The following IGSF11 variants were observed in gnomAD, a reference collection of about 807,000 sequenced individuals.
IGSF11 encodes CXADR like 1.
A neutral mutation model predicts 41.0 loss-of-function variants in IGSF11; 22 were observed. The observed-to-expected ratio is 0.54, with a 90% CI of 0.38 to 0.77. The LOEUF is 0.77. Among genes scored for constraint, IGSF11 ranks in the 30% least tolerant of loss-of-function variants. IGSF11 has a pLI of 0.00. For synonymous variants in IGSF11, 219 were observed against 201.3 expected, an observed-to-expected ratio of 1.09 and a Z score of -0.74; for missense variants, 444 against 530.8, an observed-to-expected ratio of 0.84 and a Z score of 1.61.
chr3:118,983,899 C>G (rs1934991127), intron 1 of IGSF11, among the ~76,000 whole-genome samples: 1 of 152,112 alleles, frequency 6.6e-6, no homozygotes, highest in Admixed American at 6.5e-5. Context: ...AGTTGAGAGG[C>G]AGAAACTTAA....
intron 1 of IGSF11, among the ~76,000 whole-genome samples, chr3:119,097,209 T>C (rs2076867286): frequency 6.6e-6 from 1 of 152,146 alleles, no homozygotes; most frequent in Non-Finnish European, 1.5e-5. Context: ...TCTGCCATAA[T>C]ACGTTTCTCA....
At chr3:119,015,385 C>G (rs954255723) in intron 1 of IGSF11, among the ~76,000 whole-genome samples, 9 of 152,182 alleles carry the variant, frequency 5.9e-5, no homozygotes, top group African/African-American at 2.2e-4. Flanking sequence ...CCCTCCAACC[C>G]ACTACAACCC....
At chr3:118,917,748 C>T (rs1365231542) in intron 4 of IGSF11, among the ~76,000 whole-genome samples, 1 of 150,224 alleles carries the variant, frequency 6.7e-6, no homozygotes, top group Non-Finnish European at 1.5e-5. Context: ...TCCTCCCTAA[C>T]TCATTTTATG....
chr3:118,924,446 T>C (rs1942110525), intron 4 of IGSF11, among the ~76,000 whole-genome samples: 1 of 152,162 alleles, frequency 6.6e-6, no homozygotes, highest in Non-Finnish European at 1.5e-5. Context: ...AATATGGGTA[T>C]CAAGAGATAA....
chr3:119,100,944 A>AT, intron 1 of IGSF11, among the ~76,000 whole-genome samples: 1 of 152,290 alleles, frequency 6.6e-6, no homozygotes, highest in Non-Finnish European at 1.5e-5. Context: ...GGACAGATCC[A>AT]TGGGGAATCA....
chr3:119,081,228 A>G (rs994200195), intron 1 of IGSF11, among the ~76,000 whole-genome samples: 2 of 150,588 alleles, frequency 1.3e-5, no homozygotes, highest in African/African-American at 4.9e-5. Flanking sequence ...GCTCATTTTT[A>G]TTCTCCTATT....
chr3:119,049,046 G>C (rs1314263201), intron 1 of IGSF11, among the ~76,000 whole-genome samples: 3 of 150,846 alleles, frequency 2.0e-5, no homozygotes, highest in Non-Finnish European at 4.5e-5. Context: ...ATATCATACT[G>C]AATGGGCAAA....
At chr3:119,121,105 T>C (rs1465597838) in intron 1 of IGSF11, among the ~76,000 whole-genome samples, 1 of 151,078 alleles carries the variant, frequency 6.6e-6, no homozygotes, top group African/African-American at 2.4e-5. Flanking sequence ...GATATCAGAG[T>C]TGTTAAAATA....
chr3:119,106,499 C>T (rs2077027486), upstream of IGSF11, among the ~76,000 whole-genome samples: 1 of 152,152 alleles, frequency 6.6e-6, no homozygotes, highest in Non-Finnish European at 1.5e-5. Flanking sequence ...ACATAATGAC[C>T]TACAGTTCCA....
At chr3:119,049,053 C>G (rs925560904) in intron 1 of IGSF11, among the ~76,000 whole-genome samples, 1 of 149,226 alleles carries the variant, frequency 6.7e-6, no homozygotes, top group African/African-American at 2.5e-5. Context: ...ACTGAATGGG[C>G]AAAAACTGGA....
At position 118,934,756 on chromosome 3, in the gene IGSF11, C is replaced by G. The variant is rs117747687; in HGVS notation, c.53-4481G>C. ...ATGGCTCGAACAGGGCCAAGCTGGGCAAGCCAGACATTTAGAGACCTTCAA... is the reference window on the plus strand; with the variant it reads ...ATGGCTCGAACAGGGCCAAGCTGGGGAAGCCAGACATTTAGAGACCTTCAA... On this transcript the variant is annotated intron_variant, in intron 1 of 6. Coordinates refer to ENST00000393775, the MANE Select transcript of IGSF11 (RefSeq NM_001015887.3). Among the ~76,000 whole-genome samples the G allele has an allele frequency of 1.1e-3, 164 of 152,256 alleles. 2 individuals carry two copies. In the East Asian group the frequency reaches 0.026, roughly 25 times the overall value.
In IGSF11 at chr3:118,954,792, T is replaced by C. The variant is rs572544145; in HGVS notation, c.53-24517A>G. On this transcript the variant is annotated intron_variant, in intron 1 of 6. Transcript: ENST00000393775. ...ATAGTTGAAGTTATTCCTTGATTGATAGACCACAGAATGAATAAATGTGGG... is the reference window on the plus strand; with the variant it reads ...ATAGTTGAAGTTATTCCTTGATTGACAGACCACAGAATGAATAAATGTGGG... 5.9e-5 allele frequency among the ~76,000 whole-genome samples: 9 copies of C among 152,208 alleles called. No homozygotes were observed. The South Asian group carries it at 6.2e-4, about 11-fold the overall frequency.
At chr3:119,098,516 A>C (rs1374429354) in intron 1 of IGSF11, among the ~76,000 whole-genome samples, 1 of 152,244 alleles carries the variant, frequency 6.6e-6, no homozygotes, top group Non-Finnish European at 1.5e-5. Flanking sequence ...CCTCAAGAAC[A>C]GCATAGTGCC....
At chr3:119,111,552 T>C (rs1023876213) in intron 1 of IGSF11, among the ~76,000 whole-genome samples, 3 of 152,004 alleles carry the variant, frequency 2.0e-5, no homozygotes, top group Admixed American at 6.5e-5. Flanking sequence ...TCCTGTAGGT[T>C]GGAGTAGTTT....
At chr3:119,043,685 G>T (rs1382940048) in intron 1 of IGSF11, among the ~76,000 whole-genome samples, 2 of 152,302 alleles carry the variant, frequency 1.3e-5, no homozygotes, top group South Asian at 4.1e-4. Flanking sequence ...ACCAGAGCAG[G>T]TTCTGGTATC....
At chr3:118,922,026 A>G (rs1941851331) in intron 4 of IGSF11, among the ~76,000 whole-genome samples, 1 of 151,946 alleles carries the variant, frequency 6.6e-6, no homozygotes, top group South Asian at 2.1e-4. Context: ...AATAGAAGAC[A>G]GAAAAAAAAA....
rs952898167 is a variant in IGSF11, at chr3:118,902,106, T to C, written c.*414A>G. ...GAGACGGAACATATCACAGGGTTGC[T>C]TGTTATTTTCTTAAAGACACCTACC... On this transcript the variant is annotated 3_prime_UTR_variant, in exon 7 of 7. Coordinates refer to ENST00000393775, the MANE Select transcript of IGSF11 (RefSeq NM_001015887.3). The C allele has an allele frequency of 1.7e-5, 3 of 171,974 alleles. No homozygotes were observed. The highest frequency in any genetic ancestry group is 7.2e-5 in the African/African-American group (3 of 41,744). 10.7% of individuals were successfully genotyped at this position (171,974 alleles called of 1,614,324 possible).
chr3:119,094,683 T>TG (rs2076820925), intron 1 of IGSF11, among the ~76,000 whole-genome samples: 2 of 151,464 alleles, frequency 1.3e-5, no homozygotes, highest in Non-Finnish European at 3.0e-5. Context: ...TTTTTTTTTT[T>TG]TTTTTTAGAC....
At chr3:119,099,904 T>C (rs547435864) in intron 1 of IGSF11, among the ~76,000 whole-genome samples, 12 of 152,282 alleles carry the variant, frequency 7.9e-5, no homozygotes, top group South Asian at 6.2e-4. Flanking sequence ...GAACCCAATG[T>C]ACACTGTACT....
Sources: allele counts gnomAD v4.1 joint callset (sites outside exome capture counted in the v4.1 genomes callset), GRCh38; gene constraint gnomAD v4.1.1; transcripts MANE v1.5; gene names NCBI Gene and HGNC (gene_info 2026-07-23, HGNC 2026-07-21).